Variants in KSR1 observed in about 807,000 individuals in gnomAD.
KSR1 encodes the protein kinase suppressor of ras.
Under a neutral mutation model 92.9 loss-of-function variants are expected in KSR1, and 35 were observed. That is an observed-to-expected ratio of 0.38 (90% CI 0.29 to 0.50). The LOEUF is 0.50. Among genes scored for constraint, KSR1 ranks in the 20% least tolerant of loss-of-function variants. The pLI, the probability that KSR1 is intolerant of heterozygous loss-of-function variation, is 0.94. For synonymous variants in KSR1, 467 were observed against 472.6 expected, an observed-to-expected ratio of 0.99 and a Z score of 0.15; for missense variants, 972 against 1,158.5, an observed-to-expected ratio of 0.84 and a Z score of 2.34.
Position 27,572,833 on chromosome 17 carries a change from G to A in KSR1, c.373-4659G>A, listed in dbSNP as rs190133164. Among the ~76,000 whole-genome samples, 52 of 152,326 alleles carry A rather than the reference G, an allele frequency of 3.4e-4. 1 individual carries two copies. The highest frequency in any genetic ancestry group is 9.1e-4 in the Admixed American group (14 of 15,312). On this transcript the variant is annotated intron_variant, in intron 2 of 20. Coordinates refer to ENST00000644974, the MANE Select transcript of KSR1 (RefSeq NM_001394583.1). The stretch of plus-strand genomic sequence containing the variant: ...TTCGGGGGTGCTGAGTTGCTTTGGG[G>A]CACTGTTGAGTCATGATACTGGGAG...
intron 1 of KSR1, among the ~76,000 whole-genome samples, chr17:27,507,437 G>A (rs543810777): frequency 2.6e-5 from 4 of 151,450 alleles, no homozygotes; most frequent in African/African-American, 9.7e-5. Flanking sequence ...TGTCTCGAAG[G>A]AAAAAATATA....
chr17:27,551,880 T>C (rs2071409442), intron 2 of KSR1, among the ~76,000 whole-genome samples: 1 of 152,180 alleles, frequency 6.6e-6, no homozygotes, highest in Non-Finnish European at 1.5e-5. Flanking sequence ...GCAGCCAGGG[T>C]GCTCACCTAG....
chr17:27,617,183 C>A, intron 18 of KSR1, 112 bp from the exon 19 acceptor site: 1 of 1,219,646 alleles, frequency 8.2e-7, no homozygotes, highest in South Asian at 2.1e-5. Context: ...CAGGGGGCCG[C>A]CAGTTAGAGG....
chr17:27,561,785 A>C (rs1285786325), intron 2 of KSR1, among the ~76,000 whole-genome samples: 4 of 152,176 alleles, frequency 2.6e-5, no homozygotes, highest in Admixed American at 2.0e-4. Flanking sequence ...GGTTTCATGA[A>C]ATCTGAAAAA....
intron 1 of KSR1, among the ~76,000 whole-genome samples, chr17:27,541,947 C>T (rs370756936): frequency 2.0e-5 from 3 of 152,240 alleles, no homozygotes; most frequent in Non-Finnish European, 4.4e-5. Flanking sequence ...CCAGCACCCA[C>T]ATCCCGATGT....
Position 27,603,873 on chromosome 17 carries a change from C to T in KSR1, c.1550C>T (p.Ala517Val). 1 of 1,613,986 alleles carries T rather than the reference C, an allele frequency of 6.2e-7. No individual in the cohort carries two copies. Among genetic ancestry groups the T allele is most frequent in the South Asian group, 1.1e-5 (1 of 91,080 alleles). ...AFAHAAPLPEAADGTRLDDQP... is the reference protein window; with the variant it reads ...AFAHAAPLPEVADGTRLDDQP... The stretch of plus-strand genomic sequence containing the variant: ...GCACACGCAGCCCCGCTCCCTGAAG[C>T]TGCCGACGGTACCCGGTAGGCATCC... Residue 517 changes from alanine (A) to valine (V), a missense_variant, in exon 12 of 21, where the codon GCT becomes GTT. By Grantham distance (64) the Ala-to-Val change is moderately conservative. Transcript: ENST00000644974.
At chr17:27,496,659 C>G (rs2068997241) in intron 1 of KSR1, among the ~76,000 whole-genome samples, 2 of 152,298 alleles carry the variant, frequency 1.3e-5, no homozygotes, top group South Asian at 4.1e-4. Context: ...TGGTAACCAG[C>G]AAGGGGATCC....
At chr17:27,552,803 A>G (rs2071441391) in intron 2 of KSR1, among the ~76,000 whole-genome samples, 1 of 152,200 alleles carries the variant, frequency 6.6e-6, no homozygotes, top group Admixed American at 6.5e-5. Flanking sequence ...TGGTGGCCAC[A>G]GTGGGGTCCT....
chr17:27,492,970 C>G (rs1020716003), intron 1 of KSR1, among the ~76,000 whole-genome samples: 2 of 152,154 alleles, frequency 1.3e-5, no homozygotes, highest in Admixed American at 1.3e-4. Context: ...GAAATATATT[C>G]CATGCGGGGA....
chr17:27,563,215 T>C (rs2071906006), intron 2 of KSR1, among the ~76,000 whole-genome samples: 1 of 152,178 alleles, frequency 6.6e-6, no homozygotes, highest in African/African-American at 2.4e-5. Flanking sequence ...TTTTAGCAAA[T>C]CCGGTTATGT....
Position 27,577,450 on chromosome 17 carries a change from C to CAGCAGCTGGCCCCTGCCACTCAGCAGGAG in KSR1, c.373-42_373-41insAGCAGCTGGCCCCTGCCACTCAGCAGGAG. The CAGCAGCTGGCCCCTGCCACTCAGCAGGAG allele has an allele frequency of 7.8e-7, 1 of 1,284,016 alleles. No individual in the cohort carries two copies. The highest frequency in any genetic ancestry group is 1.5e-5 in the African/African-American group (1 of 68,176). The allele number at this position is 1,284,016 out of a possible 1,614,324, so 79.5% of individuals were successfully genotyped here. A position where few individuals can be genotyped will look rare whatever the true frequency, so the allele number is the denominator to read the frequency against. Reference sequence around the variant, plus strand: ...GAGGCTGAGGGGCTCCCGGCCCAGCCGACTGCTCACCGCCTCTCTGCCTGT... The same window carrying CAGCAGCTGGCCCCTGCCACTCAGCAGGAG: ...GAGGCTGAGGGGCTCCCGGCCCAGCCAGCAGCTGGCCCCTGCCACTCAGCAGGAGGACTGCTCACCGCCTCTCTGCCTGT... On this transcript the variant is annotated intron_variant, in intron 2 of 20. Coordinates refer to ENST00000644974, the MANE Select transcript of KSR1 (RefSeq NM_001394583.1). This position sits in a 1 kb window ranked among gnomAD's most constrained non-coding sequence, Gnocchi z 4.5.
intron 1 of KSR1, among the ~76,000 whole-genome samples, chr17:27,531,970 C>T (rs2070557455): frequency 6.6e-6 from 1 of 152,222 alleles, no homozygotes; most frequent in South Asian, 2.1e-4. Flanking sequence ...CTTCTGCCAT[C>T]CAGTATGGGG....
intron 1 of KSR1, among the ~76,000 whole-genome samples, chr17:27,529,552 C>A (rs1180201647): frequency 6.6e-6 from 1 of 152,254 alleles, no homozygotes; most frequent in Non-Finnish European, 1.5e-5. Context: ...CCTGCCACAG[C>A]CACACTGGGG....
intron 1 of KSR1, among the ~76,000 whole-genome samples, chr17:27,518,570 G>A (rs377738852): frequency 3.9e-5 from 6 of 152,156 alleles, no homozygotes; most frequent in East Asian, 1.9e-4. Flanking sequence ...GCACTGTGTC[G>A]GGGAGCTCAG....
chr17:27,548,858 A>T (rs970315002), intron 1 of KSR1, among the ~76,000 whole-genome samples: 6 of 152,068 alleles, frequency 3.9e-5, no homozygotes, highest in Non-Finnish European at 8.8e-5. Context: ...AGTGAGATAC[A>T]GGCTGAGTAT....
At chr17:27,503,037 C>T (rs997997641) in intron 1 of KSR1, among the ~76,000 whole-genome samples, 1 of 152,192 alleles carries the variant, frequency 6.6e-6, no homozygotes, top group Non-Finnish European at 1.5e-5. Context: ...CCTGTTGAAT[C>T]CTCACAACGA....
chr17:27,464,697 A>C (rs371292851), intron 1 of KSR1, among the ~76,000 whole-genome samples: 10 of 136,910 alleles, frequency 7.3e-5, no homozygotes, highest in African/African-American at 2.4e-4. Context: ...CAGAGCAAGA[A>C]CTTGACTCAA....
chr17:27,469,464 T>G (rs1184921106), intron 1 of KSR1, among the ~76,000 whole-genome samples: 1 of 152,132 alleles, frequency 6.6e-6, no homozygotes, highest in Non-Finnish European at 1.5e-5. Flanking sequence ...AGGCGTGCAT[T>G]GAGGGCGCCA....
intron 19 of KSR1, among the ~76,000 whole-genome samples, chr17:27,619,065 C>T (rs1205397736): frequency 6.6e-6 from 1 of 152,154 alleles, no homozygotes; most frequent in East Asian, 1.9e-4. Flanking sequence ...CTCTATAAAA[C>T]CCATAAAGTG....
Sources: gnomAD v4.1 joint callset for allele counts (sites outside exome capture counted in the v4.1 genomes callset) on GRCh38, gnomAD v4.1.1 for gene constraint, Gnocchi (gnomAD v3.1) non-coding constraint, MANE v1.5 for transcripts, NCBI Gene and HGNC (gene_info 2026-07-23, HGNC 2026-07-21) for gene names.